NEGR1: variants seen among roughly 807,000 people sequenced by gnomAD.
NEGR1 encodes the protein neuronal growth regulator 1, also known as IgLON family member 4.
A neutral mutation model predicts 40.9 loss-of-function variants in NEGR1; 10 were observed. The observed-to-expected ratio is 0.24, with a 90% CI of 0.15 to 0.42. NEGR1 has a LOEUF of 0.42. Among genes scored for constraint, NEGR1 ranks in the 10% least tolerant of loss-of-function variants. NEGR1 has a pLI of 1.00. For synonymous variants in NEGR1, 185 were observed against 166.8 expected (o/e 1.11, Z -0.84); for missense variants, 352 against 438.9 (o/e 0.80, Z 1.77).
At chr1:71,922,021 G>C (rs1161014798) in intron 2 of NEGR1, among the ~76,000 whole-genome samples, 1 of 152,074 alleles carries the variant, frequency 6.6e-6, no homozygotes, top group African/African-American at 2.4e-5. Flanking sequence ...ATGAAGGAGA[G>C]AACCTCAGAG....
At chr1:71,682,895 T>A (rs1413120774) in intron 4 of NEGR1, among the ~76,000 whole-genome samples, 1 of 152,134 alleles carries the variant, frequency 6.6e-6, no homozygotes, top group East Asian at 1.9e-4. Flanking sequence ...CCTCTTTCCA[T>A]GTGATGATTG....
intron 3 of NEGR1, among the ~76,000 whole-genome samples, chr1:71,759,465 CTTT>C (rs1655860614): frequency 6.7e-6 from 1 of 150,300 alleles, no homozygotes; most frequent in Admixed American, 6.6e-5. Flanking sequence ...GCCTGGCTAA[CTTT>C]TTGTATTTTT....
chr1:72,248,609 T>C lies in NEGR1; in HGVS notation c.176+33710A>G, dbSNP rs891235281. On this transcript the variant is annotated intron_variant, in intron 1 of 6. Transcript: ENST00000357731. ...ATTATTATTATTATTATTATTATTA[T>C]TATTATTTTAGACAGAGTCTCGCTC... Among the ~76,000 whole-genome samples, 16 of 147,378 alleles carry C rather than the reference T, an allele frequency of 1.1e-4. No homozygotes were observed. In the Admixed American group the frequency reaches 1.1e-3, roughly 10 times the overall value.
intron 1 of NEGR1, among the ~76,000 whole-genome samples, chr1:72,197,948 T>A (rs1296989260): frequency 6.6e-6 from 1 of 151,926 alleles, no homozygotes; most frequent in East Asian, 1.9e-4. Flanking sequence ...TTTTGTTGTA[T>A]GTGTCAAGGC....
At chr1:71,472,053 A>G (rs1315278980) in intron 6 of NEGR1, among the ~76,000 whole-genome samples, 1 of 152,138 alleles carries the variant, frequency 6.6e-6, no homozygotes, top group Non-Finnish European at 1.5e-5. Context: ...TCATACTGAA[A>G]TCCCCTTTCA....
chr1:72,123,590 A>T (rs1649890022), intron 1 of NEGR1, among the ~76,000 whole-genome samples: 2 of 151,868 alleles, frequency 1.3e-5, no homozygotes, highest in African/African-American at 4.8e-5. Flanking sequence ...AAATTTTAAA[A>T]ATATAATAGC....
Position 72,162,650 on chromosome 1 carries a change from C to G in NEGR1, c.176+119669G>C, listed in dbSNP as rs535821246. ...AAGAAAACAGGGTTCCAGAGTAGAA[C>G]AACAAGTGATAAATTGGTTATTGAA... On this transcript the variant is annotated intron_variant, in intron 1 of 6. Coordinates refer to ENST00000357731, the MANE Select transcript of NEGR1 (RefSeq NM_173808.3). Among the ~76,000 whole-genome samples, 4 of 152,166 alleles carry G rather than the reference C, an allele frequency of 2.6e-5. 1 individual carries two copies. The highest frequency in any genetic ancestry group is 1.3e-4 in the Admixed American group (2 of 15,254).
chr1:71,640,276 A>G (rs1465757636), intron 4 of NEGR1, among the ~76,000 whole-genome samples: 1 of 152,048 alleles, frequency 6.6e-6, no homozygotes, highest in Non-Finnish European at 1.5e-5. Flanking sequence ...ATGGCTGTGT[A>G]GTAATGCAAC....
intron 1 of NEGR1, among the ~76,000 whole-genome samples, chr1:72,145,660 C>T (rs760536677): frequency 2.6e-5 from 4 of 152,060 alleles, no homozygotes; most frequent in Admixed American, 1.3e-4. Flanking sequence ...TTGTATAAGA[C>T]ACATCTCACA....
intron 6 of NEGR1, among the ~76,000 whole-genome samples, chr1:71,577,764 A>G (rs1649010531): frequency 2.0e-5 from 3 of 152,266 alleles, no homozygotes; most frequent in South Asian, 4.2e-4. Context: ...ACAATAACCT[A>G]ACATAATATT....
intron 4 of NEGR1, among the ~76,000 whole-genome samples, chr1:71,688,367 G>GATATATATATAAA (rs1491505759): frequency 0.12 from 3,487 of 27,972 alleles, 501 homozygotes; most frequent in East Asian, 0.29. Context: ...ATATATATAT[G>GATATATATATAAA]AGATATATAC....
At chr1:71,479,627 C>T (rs2101370029) in intron 6 of NEGR1, among the ~76,000 whole-genome samples, 1 of 152,050 alleles carries the variant, frequency 6.6e-6, no homozygotes, top group Middle Eastern at 3.4e-3. Context: ...AGGGAGAAAA[C>T]TTTGCTTCTG....
chr1:72,101,191 T>A (rs1195838304), intron 1 of NEGR1, among the ~76,000 whole-genome samples: 5 of 152,190 alleles, frequency 3.3e-5, no homozygotes, highest in Admixed American at 6.5e-5. Context: ...AACATCTTTA[T>A]GAGCAAGAAT....
chr1:71,486,651 T>C (rs1453215902), intron 6 of NEGR1: 2 of 151,540 alleles, frequency 1.3e-5, no homozygotes, highest in Non-Finnish European at 3.0e-5. Flanking sequence ...GTAATATTTG[T>C]CTAAGGGTCT....
chr1:71,739,487 C>A (rs1655146704), intron 3 of NEGR1, among the ~76,000 whole-genome samples: 1 of 150,892 alleles, frequency 6.6e-6, no homozygotes, highest in Non-Finnish European at 1.5e-5. Flanking sequence ...TACACCCCCA[C>A]CAAAACAAAA....
chr1:71,923,758 T>C (rs1244992490), intron 2 of NEGR1, among the ~76,000 whole-genome samples: 1 of 152,156 alleles, frequency 6.6e-6, no homozygotes, highest in Non-Finnish European at 1.5e-5. Context: ...AATCCAGCCA[T>C]TGTAGGTTGA....
rs180723820 is a variant in NEGR1, at chr1:72,249,490, A to G, written c.176+32829T>C. Among the ~76,000 whole-genome samples the G allele has an allele frequency of 2.5e-3, 387 of 152,336 alleles. 1 individual carries two copies. The highest frequency in any genetic ancestry group is 8.7e-3 in the African/African-American group (363 of 41,590). On this transcript the variant is annotated intron_variant, in intron 1 of 6. Transcript: ENST00000357731. ...AGCTAATTATGAGCTTAACATGAGCAAGGAACTATATATATGGGCTAGAGA... is the reference window on the plus strand; with the variant it reads ...AGCTAATTATGAGCTTAACATGAGCGAGGAACTATATATATGGGCTAGAGA...
At chr1:71,762,667 T>A (rs1015830018) in intron 3 of NEGR1, among the ~76,000 whole-genome samples, 1 of 152,144 alleles carries the variant, frequency 6.6e-6, no homozygotes, top group African/African-American at 2.4e-5. Context: ...AAGGACACTA[T>A]GCTGAATATA....
chr1:72,067,619 T>C (rs1398076891), intron 1 of NEGR1, among the ~76,000 whole-genome samples: 3 of 152,300 alleles, frequency 2.0e-5, no homozygotes, highest in African/African-American at 4.8e-5. Context: ...ATCTGTGCTC[T>C]AGTTTGTCAA....
Sources: gnomAD v4.1 joint callset for allele counts (sites outside exome capture counted in the v4.1 genomes callset) on GRCh38, gnomAD v4.1.1 for gene constraint, MANE v1.5 for transcripts, NCBI Gene and HGNC (gene_info 2026-07-23, HGNC 2026-07-21) for gene names.